Variants in STAU2 observed in about 807,000 individuals in gnomAD.
STAU2 encodes staufen double-stranded RNA binding protein 2, also known as double-stranded RNA-binding protein Staufen homolog 2.
STAU2 carries 20 observed loss-of-function variants against 65.9 expected under a neutral mutation model. That is an observed-to-expected ratio of 0.30 (90% CI 0.21 to 0.44). The LOEUF (loss-of-function observed/expected upper bound fraction) is 0.44, where lower values mean the gene tolerates loss of function less well. STAU2 is among the 20% of genes least tolerant of loss of function. The probability of loss-of-function intolerance (pLI) is 1.00; values close to 1 mark genes in which losing one functional copy is unlikely to be tolerated. For synonymous variants in STAU2, 232 were observed against 233.9 expected (o/e 0.99, Z 0.07); for missense variants, 558 against 683.9 (o/e 0.82, Z 2.05).
intron 6 of STAU2, among the ~76,000 whole-genome samples, chr8:73,655,469 TAA>T (rs774069031): frequency 2.6e-5 from 4 of 152,048 alleles, no homozygotes; most frequent in Non-Finnish European, 4.4e-5. Flanking sequence ...ATTTTATAAC[TAA>T]AAGTCTTTTA....
intron 13 of STAU2, among the ~76,000 whole-genome samples, chr8:73,444,846 C>T (rs1037897345): frequency 6.6e-6 from 1 of 152,172 alleles, no homozygotes; most frequent in African/African-American, 2.4e-5. Context: ...AGATGGCTTC[C>T]CTGTGAAGAC....
chr8:73,664,950 C>T lies in STAU2; in HGVS notation c.410+8157G>A, dbSNP rs576203578. 6.2e-4 allele frequency among the ~76,000 whole-genome samples: 94 copies of T among 152,226 alleles called. No individual in the cohort carries two copies. In the Middle Eastern group the frequency reaches 0.024, roughly 39 times the overall value. On this transcript the variant is annotated intron_variant, in intron 6 of 14. Transcript: ENST00000524300. ...AAAGTTGCAGTGAGCCAAGATCAGG[C>T]CACTATACTCCAGCCTGGGCAACAG...
intron 9 of STAU2, among the ~76,000 whole-genome samples, chr8:73,611,155 C>A (rs530105582): frequency 1.3e-4 from 20 of 152,228 alleles, no homozygotes; most frequent in African/African-American, 4.8e-4. Context: ...GAGGAATATG[C>A]TAAAAATCAG....
At chr8:73,685,202 C>G (rs1298322935) in intron 5 of STAU2, among the ~76,000 whole-genome samples, 1 of 152,078 alleles carries the variant, frequency 6.6e-6, no homozygotes, top group Non-Finnish European at 1.5e-5. Flanking sequence ...CCATATAGAA[C>G]TGTGAGTCAA....
chr8:73,544,930 A>G (rs1278399406), intron 13 of STAU2, among the ~76,000 whole-genome samples: 1 of 152,186 alleles, frequency 6.6e-6, no homozygotes, highest in Non-Finnish European at 1.5e-5. Context: ...CAACTTGACC[A>G]TAACTCCCCG....
chr8:73,431,049 A>G (rs1817242837), intron 13 of STAU2, among the ~76,000 whole-genome samples: 1 of 152,162 alleles, frequency 6.6e-6, no homozygotes, highest in Non-Finnish European at 1.5e-5. Context: ...AATCTTGGGG[A>G]GTTGTGGGAA....
chr8:73,544,431 T>C (rs1024413031), intron 13 of STAU2, among the ~76,000 whole-genome samples: 1 of 152,238 alleles, frequency 6.6e-6, no homozygotes, highest in Non-Finnish European at 1.5e-5. Flanking sequence ...GTGGTCTTTG[T>C]CTAATGGCTA....
At chr8:73,550,301 G>A in intron 13 of STAU2, 1 of 983,562 alleles carries the variant, frequency 1.0e-6, no homozygotes, top group Non-Finnish European at 1.2e-6. Context: ...GAGGGAAGCA[G>A]ACTCTACATG....
At chr8:73,454,962 A>G (rs1439201232) in intron 13 of STAU2, among the ~76,000 whole-genome samples, 1 of 152,090 alleles carries the variant, frequency 6.6e-6, no homozygotes, top group South Asian at 2.1e-4. Flanking sequence ...ACTAGGAGAG[A>G]GGTAGTTTAG....
chr8:73,549,883 G>C, intron 13 of STAU2: 1 of 985,714 alleles, frequency 1.0e-6, no homozygotes, highest in Middle Eastern at 5.2e-4. Flanking sequence ...CTAAACTACA[G>C]TCCAATTAAA....
At chr8:73,600,543 T>C (rs1586094617) in intron 10 of STAU2, among the ~76,000 whole-genome samples, 1 of 152,148 alleles carries the variant, frequency 6.6e-6, no homozygotes, top group Non-Finnish European at 1.5e-5. Context: ...CTGGCTAGAG[T>C]ACCTCTGCTC....
intron 6 of STAU2, among the ~76,000 whole-genome samples, chr8:73,632,466 T>A (rs1488939158): frequency 6.6e-6 from 1 of 152,166 alleles, no homozygotes; most frequent in East Asian, 1.9e-4. Context: ...CTTAAGCAAA[T>A]TTTACTTATT....
chr8:73,640,481 C>T (rs546365932), intron 6 of STAU2, among the ~76,000 whole-genome samples: 1 of 152,136 alleles, frequency 6.6e-6, no homozygotes, highest in South Asian at 2.1e-4. Context: ...ATATTTTAGG[C>T]TTTGCAGGCC....
At chr8:73,470,651 T>TA (rs34487898) in intron 13 of STAU2, among the ~76,000 whole-genome samples, 6 of 151,550 alleles carry the variant, frequency 4.0e-5, no homozygotes, top group Non-Finnish European at 7.4e-5. Flanking sequence ...AATTTTTTTT[T>TA]AAATTAGCTG....
chr8:73,618,944 G>C (rs1328732470), intron 6 of STAU2, among the ~76,000 whole-genome samples: 1 of 152,166 alleles, frequency 6.6e-6, no homozygotes, highest in Non-Finnish European at 1.5e-5. Context: ...AGTGAAGATT[G>C]CAAAAGAAAT....
chr8:73,434,278 G>C (rs1295424113), intron 13 of STAU2, among the ~76,000 whole-genome samples: 1 of 150,744 alleles, frequency 6.6e-6, no homozygotes, highest in Non-Finnish European at 1.5e-5. Flanking sequence ...CGCTGAAAAA[G>C]GAAAGGAGGT....
rs553414811 is a variant in STAU2, at chr8:73,463,161, G to A, written c.1531-40459C>T. 8.5e-5 allele frequency among the ~76,000 whole-genome samples: 13 copies of A among 152,312 alleles called. No individual in the cohort carries two copies. The South Asian group carries it at 2.7e-3, about 32-fold the overall frequency. On this transcript the variant is annotated intron_variant, in intron 13 of 14. Coordinates refer to ENST00000524300, the MANE Select transcript of STAU2 (RefSeq NM_001164380.2). Reference sequence around the variant, plus strand: ...GATGCTTACTAGAAAGTGACAAGATGAACACTGTCCAGTTTTATCTGACTT... The same window carrying A: ...GATGCTTACTAGAAAGTGACAAGATAAACACTGTCCAGTTTTATCTGACTT...
chr8:73,435,426 G>A (rs1400819266), intron 13 of STAU2, among the ~76,000 whole-genome samples: 1 of 151,886 alleles, frequency 6.6e-6, no homozygotes, highest in East Asian at 1.9e-4. Context: ...CAGGAAGACA[G>A]GTGCTCGCAG....
intron 5 of STAU2, among the ~76,000 whole-genome samples, chr8:73,677,130 T>G (rs189065473): frequency 8.5e-4 from 130 of 152,278 alleles, no homozygotes; most frequent in African/African-American, 3.0e-3. Context: ...GGAAAGATGC[T>G]CACCTGCATT....
Sources: gnomAD v4.1 joint callset for allele counts (sites outside exome capture counted in the v4.1 genomes callset) on GRCh38, gnomAD v4.1.1 for gene constraint, MANE v1.5 for transcripts, NCBI Gene and HGNC (gene_info 2026-07-23, HGNC 2026-07-21) for gene names.